JADE3: variants seen among roughly 807,000 people sequenced by gnomAD.
JADE3 encodes jade family PHD finger 3, also known as protein Jade-3.
Under a neutral mutation model 50.1 loss-of-function variants are expected in JADE3, and 2 were observed. The ratio of observed to expected loss-of-function variants is 0.04; its 90% confidence interval spans 0.02 to 0.13. The LOEUF is 0.13. Among genes scored for constraint, JADE3 ranks in the 10% least tolerant of loss-of-function variants. JADE3 has a pLI of 1.00. For synonymous variants in JADE3, 218 were observed against 232.9 expected (o/e 0.94, Z 0.58); for missense variants, 475 against 634.4 (o/e 0.75, Z 2.70).
At chrX:46,974,398 C>G (rs1371244281) in intron 1 of JADE3, among the ~76,000 whole-genome samples, 4 of 109,839 alleles carry the variant, frequency 3.6e-5, no homozygotes, top group Admixed American at 2.9e-4. Flanking sequence ...GAGTGAGACT[C>G]TGTCTCAAAA....
At chrX:46,977,380 A>G (rs1179820311) in intron 1 of JADE3, among the ~76,000 whole-genome samples, 1 of 111,802 alleles carries the variant, frequency 8.9e-6, no homozygotes, top group Non-Finnish European at 1.9e-5. Context: ...CAGCTACTAA[A>G]TGAGTTTGGA....
intron 1 of JADE3, among the ~76,000 whole-genome samples, chrX:46,946,348 T>A (rs1254211791): frequency 9.0e-6 from 1 of 111,251 alleles, no homozygotes; most frequent in East Asian, 2.8e-4. Flanking sequence ...GTTGGCAGGA[T>A]GGGGGTGGGG....
chrX:46,958,087 T>C (rs1456989974), intron 1 of JADE3, among the ~76,000 whole-genome samples: 1 of 111,639 alleles, frequency 9.0e-6, no homozygotes, highest in Non-Finnish European at 1.9e-5. Flanking sequence ...TAGTCTTGGT[T>C]CCCCTCTCTG....
chrX:47,043,818 CAAAAAAAAAA>C (rs782062343), intron 8 of JADE3, among the ~76,000 whole-genome samples: 1 of 48,862 alleles, frequency 2.0e-5, no homozygotes, highest in East Asian at 6.5e-4. Context: ...GACTCTGTTT[CAAAAAAAAAA>C]AAAAAAGAAA....
rs1925983076 is a variant in JADE3, at chrX:46,912,564, G to C, written c.-167G>C. 1 of 111,309 alleles carries C rather than the reference G, an allele frequency of 9.0e-6. No homozygotes were observed. The highest frequency in any genetic ancestry group is 1.9e-5 in the Non-Finnish European group (1 of 52,759). 9.2% of individuals were successfully genotyped at this position (111,309 alleles called of 1,213,427 possible). On this transcript the variant is annotated 5_prime_UTR_variant, in exon 1 of 11. Transcript: ENST00000614628. The stretch of plus-strand genomic sequence containing the variant: ...GCGCGGGGGGCGGCCCCGGCGGGGG[G>C]CGGGGGCGAGGAGGGGATTAAGGGG...
chrX:47,044,160 A>G (rs1460880749), intron 8 of JADE3, among the ~76,000 whole-genome samples: 1 of 111,942 alleles, frequency 8.9e-6, no homozygotes, highest in Non-Finnish European at 1.9e-5. Context: ...ATGTATATCA[A>G]TATTCAAGTA....
chrX:47,015,661 ATTAT>A (rs1480334891), intron 4 of JADE3, among the ~76,000 whole-genome samples: 1 of 109,474 alleles, frequency 9.1e-6, no homozygotes, highest in Non-Finnish European at 1.9e-5. Flanking sequence ...TTTGGAAATA[ATTAT>A]TATGTATTGG....
intron 1 of JADE3, among the ~76,000 whole-genome samples, chrX:46,943,669 G>A (rs1250005670): frequency 9.0e-6 from 1 of 111,414 alleles, no homozygotes; most frequent in African/African-American, 3.3e-5. Flanking sequence ...TTGGCCTATA[G>A]TTTTCTTTTG....
chrX:47,032,538 A>G (rs948264006), intron 6 of JADE3, among the ~76,000 whole-genome samples: 4 of 110,600 alleles, frequency 3.6e-5, no homozygotes, highest in Non-Finnish European at 5.7e-5. Context: ...GTGCAGGGGG[A>G]AAAAGAAAAT....
At chrX:47,026,971 A>G (rs1392446867) in intron 5 of JADE3, among the ~76,000 whole-genome samples, 1 of 112,045 alleles carries the variant, frequency 8.9e-6, no homozygotes, top group Non-Finnish European at 1.9e-5. Flanking sequence ...GAAAAATGAA[A>G]CATAAGGCCT....
At chrX:46,963,316 G>A (rs1314787335) in intron 1 of JADE3, among the ~76,000 whole-genome samples, 2 of 111,641 alleles carry the variant, frequency 1.8e-5, no homozygotes, top group African/African-American at 6.5e-5. Flanking sequence ...TGACCCATCT[G>A]TGATCTTGGC....
At chrX:46,986,608 A>G (rs1245063421) in intron 3 of JADE3, among the ~76,000 whole-genome samples, 2 of 112,073 alleles carry the variant, frequency 1.8e-5, no homozygotes. Context: ...ACAGAAAGGT[A>G]TAGGTGAGTA....
At chrX:47,021,126 C>T (rs2062741239) in intron 4 of JADE3, among the ~76,000 whole-genome samples, 1 of 110,129 alleles carries the variant, frequency 9.1e-6, no homozygotes, top group East Asian at 2.8e-4. Flanking sequence ...CCAAGAACCC[C>T]TCCTTCTTCT....
At chrX:46,921,919 CCTT>C (rs1926228860) in intron 1 of JADE3, among the ~76,000 whole-genome samples, 1 of 97,370 alleles carries the variant, frequency 1.0e-5, no homozygotes, top group South Asian at 4.9e-4. Flanking sequence ...CTGCTGTAAT[CCTT>C]TTTTTTTTTT....
intron 4 of JADE3, among the ~76,000 whole-genome samples, chrX:47,018,737 C>T (rs1556363655): frequency 8.9e-6 from 1 of 112,090 alleles, no homozygotes; most frequent in Non-Finnish European, 1.9e-5. Context: ...AACTTAGCAG[C>T]TTAGAGCAGC....
intron 1 of JADE3, among the ~76,000 whole-genome samples, chrX:46,970,629 C>G (rs1037292156): frequency 8.0e-5 from 9 of 111,839 alleles, no homozygotes; most frequent in Middle Eastern, 4.2e-3. Flanking sequence ...TGCCTGCCCT[C>G]TGTTAGCACA....
rs782709142 is a variant in JADE3 at position 46,977,985 on chromosome X, G to A, written c.-11-6899G>A. 4.6e-3 allele frequency among the ~76,000 whole-genome samples: 509 copies of A among 111,709 alleles called. 3 individuals carry two copies. Among genetic ancestry groups the A allele is most frequent in the Admixed American group, 7.9e-3 (83 of 10,506 alleles). ...GGATTGGGTGGGGGCAGCACAGTGT[G>A]TTATTCCTTTGCCTGTTTATTTTGT... On this transcript the variant is annotated intron_variant, in intron 1 of 10. Transcript: ENST00000614628.
chrX:47,003,758 A>G (rs1225045769), intron 4 of JADE3, among the ~76,000 whole-genome samples: 2 of 100,628 alleles, frequency 2.0e-5, no homozygotes, highest in African/African-American at 7.1e-5. Flanking sequence ...TAATTTATAT[A>G]TAAAATAATT....
intron 9 of JADE3, among the ~76,000 whole-genome samples, chrX:47,055,420 A>G (rs1430181061): frequency 9.0e-6 from 1 of 111,640 alleles, no homozygotes; most frequent in Admixed American, 9.5e-5. Flanking sequence ...ACACTCACAT[A>G]TAGCACCTAC....
Sources: allele counts gnomAD v4.1 joint callset (sites outside exome capture counted in the v4.1 genomes callset), GRCh38; gene constraint gnomAD v4.1.1; transcripts MANE v1.5; gene names NCBI Gene and HGNC (gene_info 2026-07-23, HGNC 2026-07-21).